CLN8: variants seen among roughly 807,000 people sequenced by gnomAD.
CLN8 encodes CLN8 transmembrane ER and ERGIC protein, also known as protein CLN8.
A neutral mutation model predicts 15.7 loss-of-function variants in CLN8; 14 were observed. The ratio of observed to expected loss-of-function variants is 0.89; its 90% CI spans 0.59 to 1.39. The LOEUF is 1.39. CLN8 is among the 40% of genes most tolerant of loss of function. The probability of loss-of-function intolerance (pLI) is 0.00; values close to 1 mark genes in which losing one functional copy is unlikely to be tolerated. For synonymous variants in CLN8, 188 were observed against 151.0 expected, an observed-to-expected ratio of 1.25 and a Z score of -1.80; for missense variants, 415 against 364.0, an observed-to-expected ratio of 1.14 and a Z score of -1.14.
At chr8:1,761,630 G>A (rs1800799048), upstream of CLN8, among the ~76,000 whole-genome samples, 1 of 152,206 alleles carries the variant, frequency 6.6e-6, no homozygotes, top group Admixed American at 6.5e-5. Context: ...CAGCCCTGGA[G>A]TTCAGAGTTT....
At chr8:1,774,972 C>T (rs1406424788) in intron 2 of CLN8, among the ~76,000 whole-genome samples, 1 of 152,100 alleles carries the variant, frequency 6.6e-6, no homozygotes, top group East Asian at 1.9e-4. Context: ...GAGTGAGACC[C>T]TATCTCAAAC....
rs764468501 is a variant in CLN8, at chr8:1,771,565, C to T, written c.511C>T (p.Pro171Ser). The change falls in exon 2 of 3, where the codon CCC becomes TCC. Residue 171 changes from proline (P) to serine (S), a missense_variant. Pro to Ser is a moderately conservative substitution (Grantham distance 74, BLOSUM62 -1). Transcript: ENST00000331222. Reference sequence around the variant, plus strand: ...CACGTTGCTCCTGGAGATGAGCACGCCCTTTACCTGCGTTTCCTGGATGCT... The same window carrying T: ...CACGTTGCTCCTGGAGATGAGCACGTCCTTTACCTGCGTTTCCTGGATGCT... ...MTTLLLEMSTPFTCVSWMLLK... is the reference protein window; with the variant it reads ...MTTLLLEMSTSFTCVSWMLLK... 1.1e-5 allele frequency: 17 copies of T among 1,613,970 alleles called. No individual in the cohort carries two copies. Among genetic ancestry groups the T allele is most frequent in the Non-Finnish European group, 3.4e-6 (4 of 1,180,036 alleles).
In CLN8 at chr8:1,771,113, C is replaced by T. The variant is rs749651452; in HGVS notation, c.59C>T (p.Ser20Phe). Residue 20 changes from serine to phenylalanine, a missense_variant, in exon 2 of 3, where the codon TCC becomes TTC. Ser to Phe is a radical substitution (Grantham distance 155). Coordinates refer to ENST00000331222, the MANE Select transcript of CLN8 (RefSeq NM_018941.4). ...SESIFDLDYA[S>F]WGIRSTLMVA... ...AGCATTTTTGACCTGGACTATGCAT[C>T]CTGGGGGATCCGCTCCACGCTGATG... 27 of 1,614,008 alleles carry T rather than the reference C, an allele frequency of 1.7e-5. No individual in the cohort carries two copies. Among genetic ancestry groups the T allele is most frequent in the Non-Finnish European group, 2.1e-5 (25 of 1,180,026 alleles).
At chr8:1,759,764 A>T (rs1329419433), upstream of CLN8, 1 of 152,184 alleles carries the variant, frequency 6.6e-6, no homozygotes, top group Admixed American at 6.5e-5. Context: ...CCAGTGTTTT[A>T]AAGTGTTGTT....
chr8:1,771,929 A>ATATTTATTTATT (rs142696456), intron 2 of CLN8, among the ~76,000 whole-genome samples: 5,037 of 148,118 alleles, frequency 0.034, 141 homozygotes, highest in African/African-American at 0.074. Context: ...TTTTAATACT[A>ATATTTATTTATT]TATTTATTTA....
At chr8:1,760,477 T>C (rs1800767462), upstream of CLN8, 1 of 152,186 alleles carries the variant, frequency 6.6e-6, no homozygotes, top group South Asian at 2.1e-4. Context: ...GTTATACCTG[T>C]GATCAGTTAT....
intron 2 of CLN8, among the ~76,000 whole-genome samples, chr8:1,774,907 G>C (rs1801452853): frequency 6.6e-6 from 1 of 152,106 alleles, no homozygotes; most frequent in South Asian, 2.1e-4. Context: ...GGATCGCCTG[G>C]GAGTTCAAGG....
At chr8:1,754,964 C>A (rs1015968175), upstream of CLN8, among the ~76,000 whole-genome samples, 1 of 152,220 alleles carries the variant, frequency 6.6e-6, no homozygotes, top group African/African-American at 2.4e-5. Flanking sequence ...AGCTCCAGAA[C>A]CCCTTCCGTG....
At chr8:1,763,415 C>T (rs1800867827), upstream of CLN8, 1 of 48,064 alleles carries the variant, frequency 2.1e-5, no homozygotes, top group Non-Finnish European at 4.0e-5. Context: ...CCCCCCGCCG[C>T]GCCCCGCCCC....
intron 2 of CLN8, 34 bp downstream of exon 2, chr8:1,771,631 C>T (rs747882973): frequency 9.4e-6 from 15 of 1,591,446 alleles, no homozygotes; most frequent in Admixed American, 5.2e-5. Context: ...ATGACATGTG[C>T]CTCACGCATT....
chr8:1,768,062 G>T, intron 1 of CLN8, among the ~76,000 whole-genome samples: 1 of 151,822 alleles, frequency 6.6e-6, no homozygotes. Flanking sequence ...TCCTGCCTCA[G>T]CCTCCTGAGT....
At chr8:1,777,336 A>G (rs1801560196) in intron 2 of CLN8, among the ~76,000 whole-genome samples, 1 of 152,220 alleles carries the variant, frequency 6.6e-6, no homozygotes, top group Non-Finnish European at 1.5e-5. Flanking sequence ...CTGCTCTGCG[A>G]GAGTCACAAT....
intron 2 of CLN8, among the ~76,000 whole-genome samples, chr8:1,778,677 G>A (rs1801606090): frequency 6.6e-6 from 1 of 152,236 alleles, no homozygotes; most frequent in African/African-American, 2.4e-5. Flanking sequence ...GTGTGCATGA[G>A]GGTGCCGTGA....
At chr8:1,755,235 T>A (rs1030926147), upstream of CLN8, among the ~76,000 whole-genome samples, 5 of 152,176 alleles carry the variant, frequency 3.3e-5, no homozygotes, top group Admixed American at 2.6e-4. Flanking sequence ...TGACATAGAC[T>A]AACAGATGGG....
chr8:1,770,680 C>T (rs2130988792), intron 1 of CLN8, among the ~76,000 whole-genome samples: 1 of 152,274 alleles, frequency 6.6e-6, no homozygotes, highest in Non-Finnish European at 1.5e-5. Context: ...ATAGGACGAG[C>T]ATAGGACCGT....
upstream of CLN8, among the ~76,000 whole-genome samples, chr8:1,761,388 G>A (rs571119454): frequency 6.6e-5 from 10 of 152,234 alleles, no homozygotes; most frequent in Middle Eastern, 3.4e-3. Flanking sequence ...GCAGTGGTGC[G>A]ATTTCAGCAC....
Position 1,770,999 on chromosome 8 carries a change from G to A in CLN8, c.-56G>A, listed in dbSNP as rs1297264016. The A allele has an allele frequency of 6.4e-7, 1 of 1,556,554 alleles. No homozygotes were observed. Among genetic ancestry groups the A allele is most frequent in the African/African-American group, 1.4e-5 (1 of 73,782 alleles). On this transcript the variant is annotated 5_prime_UTR_variant, in exon 2 of 3. The change creates a new upstream start codon in the 5' untranslated region. Transcript: ENST00000331222. ...ACTTCATTTCCTTAGACAAGACACA[G>A]TGTAGGGCCCGGCCCGTGTTGGCCC...
intron 2 of CLN8, among the ~76,000 whole-genome samples, chr8:1,779,358 T>C (rs1204049925): frequency 6.6e-6 from 1 of 152,220 alleles, no homozygotes; most frequent in Non-Finnish European, 1.5e-5. Context: ...TTCTCATGAC[T>C]CAGCTTCCCA....
rs2129016540 is a variant in CLN8, at chr8:1,785,904, G to C, written c.*5337G>C. The C allele has an allele frequency of 1.9e-5, 3 of 154,732 alleles. No individual in the cohort carries two copies. Among genetic ancestry groups the C allele is most frequent in the Admixed American group, 1.9e-4 (3 of 15,756 alleles). The allele number at this position is 154,732 out of a possible 1,614,324, so 9.6% of individuals were successfully genotyped here. A position where few individuals can be genotyped will look rare whatever the true frequency, so the allele number is the denominator to read the frequency against. The stretch of plus-strand genomic sequence containing the variant: ...GTTGGGGCAGCCCTCAGGGTCTCCA[G>C]ACCCCAGCCCCACTCACACAGCAGC... On this transcript the variant is annotated 3_prime_UTR_variant, in exon 3 of 3. Coordinates refer to ENST00000331222, the MANE Select transcript of CLN8 (RefSeq NM_018941.4).
Sources: allele counts gnomAD v4.1 joint callset (sites outside exome capture counted in the v4.1 genomes callset), GRCh38; gene constraint gnomAD v4.1.1; transcripts MANE v1.5; gene names NCBI Gene and HGNC (gene_info 2026-07-23, HGNC 2026-07-21).